MBD5: variants seen among roughly 807,000 people sequenced by gnomAD.
The protein encoded by MBD5 is methyl-CpG-binding domain protein 5.
Under a neutral mutation model 117.3 loss-of-function variants are expected in MBD5, and 13 were observed. The observed-to-expected ratio is 0.11, with a 90% confidence interval of 0.07 to 0.18. The LOEUF (loss-of-function observed/expected upper bound fraction) is 0.18. Among genes scored for constraint, MBD5 ranks in the 10% least tolerant of loss-of-function variants. The pLI, the probability that MBD5 is intolerant of heterozygous loss-of-function variation, is 1.00. For synonymous variants in MBD5, 727 were observed against 766.4 expected (o/e 0.95, Z 0.85); for missense variants, 1,879 against 2,093.8 (o/e 0.90, Z 2.00).
chr2:148,407,204 C>G lies in MBD5; in HGVS notation c.-556-50999C>G, dbSNP rs948334213. On this transcript the variant is annotated intron_variant, in intron 4 of 13. Coordinates refer to ENST00000642680, the MANE Select transcript of MBD5 (RefSeq NM_001378120.1). ...TTTCGAATAAGATGAAAAAGATGAA[C>G]ATAAATGTTATTGTCTCATAACATG... 5.9e-5 allele frequency among the ~76,000 whole-genome samples: 9 copies of G among 152,238 alleles called. No individual in the cohort carries two copies. The East Asian group carries it at 1.5e-3, about 26-fold the overall frequency.
At chr2:148,351,931 G>A (rs1022030471) in intron 4 of MBD5, among the ~76,000 whole-genome samples, 4 of 152,046 alleles carry the variant, frequency 2.6e-5, no homozygotes, top group African/African-American at 9.7e-5. Flanking sequence ...TGTGTTTAGT[G>A]TAGAGATCCT....
intron 4 of MBD5, among the ~76,000 whole-genome samples, chr2:148,367,171 C>G (rs1431371362): frequency 6.6e-6 from 1 of 152,084 alleles, no homozygotes; most frequent in Non-Finnish European, 1.5e-5. Flanking sequence ...AGAAATAACA[C>G]CACACATCTA....
At chr2:148,182,041 T>C (rs2105859653) in intron 2 of MBD5, among the ~76,000 whole-genome samples, 1 of 152,232 alleles carries the variant, frequency 6.6e-6, no homozygotes, top group South Asian at 2.1e-4. Context: ...TCCTTTCTTC[T>C]TTCCTATATC....
At chr2:148,335,297 C>T (rs1253640666) in intron 3 of MBD5, among the ~76,000 whole-genome samples, 1 of 152,122 alleles carries the variant, frequency 6.6e-6, no homozygotes, top group Non-Finnish European at 1.5e-5. Flanking sequence ...GAGAGGGTGG[C>T]TTGAGCCTGG....
intron 4 of MBD5, among the ~76,000 whole-genome samples, chr2:148,400,553 C>A (rs1704887923): frequency 6.6e-6 from 1 of 152,142 alleles, no homozygotes; most frequent in South Asian, 2.1e-4. Context: ...TTTGGAATCT[C>A]CATCCAACAT....
intron 1 of MBD5, among the ~76,000 whole-genome samples, chr2:148,049,087 G>C (rs1323814388): frequency 6.6e-6 from 1 of 152,174 alleles, no homozygotes; most frequent in East Asian, 1.9e-4. Context: ...TAAAAAAGAA[G>C]CATTTTCCTG....
chr2:148,453,973 G>A (rs971233925), intron 4 of MBD5, among the ~76,000 whole-genome samples: 1 of 152,038 alleles, frequency 6.6e-6, no homozygotes, highest in African/African-American at 2.4e-5. Flanking sequence ...AATTTTAAAT[G>A]AGTTATCAAG....
At chr2:148,166,647 C>A (rs1698131497) in intron 1 of MBD5, among the ~76,000 whole-genome samples, 1 of 152,102 alleles carries the variant, frequency 6.6e-6, no homozygotes, top group South Asian at 2.1e-4. Context: ...TCATTTAATT[C>A]TTTAAGTATT....
At chr2:148,204,327 G>GA (rs879280450) in intron 2 of MBD5, among the ~76,000 whole-genome samples, 10 of 150,684 alleles carry the variant, frequency 6.6e-5, no homozygotes, top group Admixed American at 1.3e-4. Context: ...ATAAACCAAA[G>GA]AAAAAAAAGA....
chr2:148,096,942 A>G (rs1400617795), intron 1 of MBD5, among the ~76,000 whole-genome samples: 1 of 152,178 alleles, frequency 6.6e-6, no homozygotes, highest in Admixed American at 6.6e-5. Flanking sequence ...CCTTTGAAAT[A>G]TGGGGGAAGT....
chr2:148,066,129 A>T (rs1343158097), intron 1 of MBD5, among the ~76,000 whole-genome samples: 1 of 152,086 alleles, frequency 6.6e-6, no homozygotes, highest in African/African-American at 2.4e-5. Context: ...GTGAGACTTC[A>T]TGTCTCCAAA....
At chr2:148,285,167 C>T (rs547643514) in intron 3 of MBD5, among the ~76,000 whole-genome samples, 1 of 152,214 alleles carries the variant, frequency 6.6e-6, no homozygotes, top group Non-Finnish European at 1.5e-5. Flanking sequence ...CAGCTACTTT[C>T]CCCATCTGCT....
At chr2:148,394,853 T>C (rs1308312701) in intron 4 of MBD5, among the ~76,000 whole-genome samples, 1 of 152,192 alleles carries the variant, frequency 6.6e-6, no homozygotes, top group African/African-American at 2.4e-5. Context: ...ATATTATTGA[T>C]ATGAACTTTC....
intron 4 of MBD5, among the ~76,000 whole-genome samples, chr2:148,423,244 C>A (rs761473298): frequency 2.0e-5 from 3 of 152,126 alleles, no homozygotes; most frequent in Admixed American, 2.0e-4. Context: ...TCAGCAGAAA[C>A]CCTACAATCC....
chr2:148,087,492 G>A (rs925741701), intron 1 of MBD5, among the ~76,000 whole-genome samples: 1 of 152,176 alleles, frequency 6.6e-6, no homozygotes, highest in African/African-American at 2.4e-5. Flanking sequence ...TACCAGAGAA[G>A]GTGCTGGTAT....
chr2:148,184,755 T>C (rs1698611841), intron 2 of MBD5, among the ~76,000 whole-genome samples: 1 of 152,176 alleles, frequency 6.6e-6, no homozygotes, highest in Non-Finnish European at 1.5e-5. Flanking sequence ...TACTATGACA[T>C]CACATGTGGG....
At chr2:148,250,225 A>T (rs749104131) in intron 3 of MBD5, among the ~76,000 whole-genome samples, 1 of 152,130 alleles carries the variant, frequency 6.6e-6, no homozygotes, top group Non-Finnish European at 1.5e-5. Context: ...AAAACCAAAT[A>T]CCACATGTTG....
chr2:148,212,365 A>G (rs2106016334), intron 2 of MBD5, among the ~76,000 whole-genome samples: 1 of 152,302 alleles, frequency 6.6e-6, no homozygotes, highest in Non-Finnish European at 1.5e-5. Context: ...ACTCATGGTA[A>G]TGTTTTCAAG....
chr2:148,367,982 AC>A (rs1381333690), intron 4 of MBD5, among the ~76,000 whole-genome samples: 1 of 152,174 alleles, frequency 6.6e-6, no homozygotes, highest in African/African-American at 2.4e-5. Context: ...CTGGTTATAT[AC>A]CCAAAGGATT....
Sources: gnomAD v4.1 joint callset for allele counts (sites outside exome capture counted in the v4.1 genomes callset) on GRCh38, gnomAD v4.1.1 for gene constraint, MANE v1.5 for transcripts, NCBI Gene and HGNC (gene_info 2026-07-23, HGNC 2026-07-21) for gene names.